The following DENND4B variants were observed in gnomAD, a reference collection of about 807,000 sequenced individuals.
The protein encoded by DENND4B is DENN domain-containing protein 4B.
A neutral mutation model predicts 161.0 loss-of-function variants in DENND4B; 67 were observed. The ratio of observed to expected loss-of-function variants is 0.42; its 90% CI spans 0.34 to 0.51. The LOEUF (loss-of-function observed/expected upper bound fraction) is 0.51. Ranked by LOEUF, DENND4B falls within the 20% of genes least tolerant of loss-of-function variation. The pLI is 0.08. For missense variants in DENND4B, 1,481 were observed against 1,968.0 expected, an observed-to-expected ratio of 0.75 and a Z score of 4.68; for synonymous variants, 753 against 813.8, an observed-to-expected ratio of 0.93 and a Z score of 1.27.
intron 24 of DENND4B, among the ~76,000 whole-genome samples, chr1:153,931,284 A>T (rs1273385520): frequency 6.6e-6 from 1 of 152,206 alleles, no homozygotes; most frequent in Non-Finnish European, 1.5e-5. Context: ...TGCCTGGAAC[A>T]TAAAAAGCAC....
rs757284732 is a variant in DENND4B at position 153,941,977 on chromosome 1, C to T, written c.947G>A (p.Arg316His). 20 of 1,612,268 alleles carry T rather than the reference C, an allele frequency of 1.2e-5. No individual in the cohort carries two copies. Among genetic ancestry groups the T allele is most frequent in the Middle Eastern group, 1.7e-4 (1 of 5,798 alleles). ...CCAGCGGGACAGCACAGCGATGGCA[C>T]GCCGGCTGCGCACAGCTCTGCCCCC... The part of the protein sequence containing the change: ...ALGGRAVRSR[R>H]AIAVLSRWPA... The change falls in exon 6 of 28, where the codon CGT (arginine) becomes CAT (histidine). Residue 316 changes from arginine to histidine, a missense_variant. Arg to His is a conservative substitution (Grantham distance 29). Around this residue, in one of 3 missense-constraint regions of DENND4B, gnomAD observed 806 missense variants for 1,134.4 expected, o/e 0.71. Transcript: ENST00000361217.
In DENND4B at chr1:153,932,811, G is replaced by A. The variant is rs764265099; in HGVS notation, c.3624-34C>T. 6.2e-7 allele frequency: 1 copy of A among 1,613,478 alleles called. No individual in the cohort carries two copies. The highest frequency in any genetic ancestry group is 2.2e-5 in the East Asian group (1 of 44,858). On this transcript the variant is annotated intron_variant, in intron 22 of 27. Transcript: ENST00000361217. The surrounding 1 kb of genome is among the most constrained non-coding windows in gnomAD (Gnocchi z 5.8). ...GGATAGCAGCAGGGGTCAGCTTTTG[G>A]ACCTTCACCTCCCTATTCCCACCCA...
Position 153,932,926 on chromosome 1 carries a change from G to A in DENND4B, c.3558C>T (p.Thr1186=), listed in dbSNP as rs777367578. 3.7e-6 allele frequency: 6 copies of A among 1,613,934 alleles called. No individual in the cohort carries two copies. The African/African-American group carries it at 5.3e-5, about 14-fold the overall frequency. Residue 1186 remains threonine (T), a synonymous_variant, in exon 22 of 28, where the codon ACC becomes ACT. Coordinates refer to ENST00000361217, the MANE Select transcript of DENND4B (RefSeq NM_014856.3). This position sits in a 1 kb window ranked among gnomAD's most constrained non-coding sequence, Gnocchi z 5.8. ...WAPDDSNLNT[T]CPFCACPFVP... Reference sequence around the variant, plus strand: ...CAAAGGGGCAGGCGCAGAAGGGGCAGGTTGTGTTGAGGTTAGAGTCATCAG... The same window carrying A: ...CAAAGGGGCAGGCGCAGAAGGGGCAAGTTGTGTTGAGGTTAGAGTCATCAG...
intron 17 of DENND4B, among the ~76,000 whole-genome samples, chr1:153,935,484 C>T (rs995247678): frequency 6.6e-6 from 1 of 152,312 alleles, no homozygotes; most frequent in South Asian, 2.1e-4. Flanking sequence ...GTAGCTGGGA[C>T]TACAGGCACC....
chr1:153,940,503 G>A lies in DENND4B; in HGVS notation c.1430C>T (p.Ser477Phe). Residue 477 changes from serine (S) to phenylalanine (F), a missense_variant, in exon 10 of 28, where the codon TCC becomes TTC. Ser to Phe is a radical substitution (Grantham distance 155, BLOSUM62 -2). Around this residue, in one of 3 missense-constraint regions of DENND4B, gnomAD observed 806 missense variants for 1,134.4 expected, o/e 0.71. Transcript: ENST00000361217. This position sits in a 1 kb window ranked among gnomAD's most constrained non-coding sequence, Gnocchi z 5.6. ...CGGGTCATGCAGATCAAAGTAGCTG[G>A]AGTGGATACCCACAATGAAGGGCAC... ...APVPFIVGIHSSYFDLHDPPA... is the reference protein window; with the variant it reads ...APVPFIVGIHFSYFDLHDPPA... 1 of 1,613,414 alleles carries A rather than the reference G, an allele frequency of 6.2e-7. No individual in the cohort carries two copies. The highest frequency in any genetic ancestry group is 8.5e-7 in the Non-Finnish European group (1 of 1,179,636).
Position 153,934,427 on chromosome 1 carries a change from G to A in DENND4B, c.2774-125C>T. ...TCCCAGGCAAAACTTTATCCGTTTT[G>A]TGTTTGTTTGTTTGTTTGTTTTGTT... On this transcript the variant is annotated intron_variant, in intron 18 of 27. Transcript: ENST00000361217. This position sits in a 1 kb window ranked among gnomAD's most constrained non-coding sequence, Gnocchi z 5.3. 1 of 1,317,316 alleles carries A rather than the reference G, an allele frequency of 7.6e-7. No individual in the cohort carries two copies. The highest frequency in any genetic ancestry group is 1.0e-6 in the Non-Finnish European group (1 of 969,846). The allele number at this position is 1,317,316 out of a possible 1,614,324, so 81.6% of individuals were successfully genotyped here.
chr1:153,932,243 G>C lies in DENND4B; in HGVS notation c.3957C>G (p.Gly1319=). 6.2e-7 allele frequency: 1 copy of C among 1,613,992 alleles called. No individual in the cohort carries two copies. The highest frequency in any genetic ancestry group is 8.5e-7 in the Non-Finnish European group (1 of 1,179,884). The change falls in exon 24 of 28, where the codon GGC becomes GGG. Residue 1319 remains glycine (G), a synonymous_variant. Transcript: ENST00000361217. This position sits in a 1 kb window ranked among gnomAD's most constrained non-coding sequence, Gnocchi z 5.8. ...GCCCATCACAGGAGGCCAGCACCAG[G>C]CCTGGTAGAATACTGGGCAGGCGTA... ...QRLRLPSILP[G]LVLASCDGPS...
chr1:153,938,953 A>T lies in DENND4B; in HGVS notation c.1912T>A (p.Phe638Ile). The T allele has an allele frequency of 6.2e-7, 1 of 1,609,006 alleles. No homozygotes were observed. Among genetic ancestry groups the T allele is most frequent in the Non-Finnish European group, 8.5e-7 (1 of 1,177,636 alleles). The change falls in exon 13 of 28, where the codon TTT (phenylalanine) becomes ATT (isoleucine). Residue 638 changes from phenylalanine (F) to isoleucine (I), a missense_variant. By Grantham distance (21) the Phe-to-Ile change is conservative. Coordinates refer to ENST00000361217, the MANE Select transcript of DENND4B (RefSeq NM_014856.3). Reference protein sequence around the residue: ...MFSQFIEECSFGSARHAALEF... With the variant: ...MFSQFIEECSIGSARHAALEF... The stretch of plus-strand genomic sequence containing the variant: ...AGGGCAGCATGGCGAGCAGAGCCAA[A>T]AGAGCACTCCTCAATGAACTGTGAG...
In DENND4B at chr1:153,936,098, T is replaced by C. The variant is rs1238822506; in HGVS notation, c.2530A>G (p.Ile844Val). The change falls in exon 17 of 28, where the codon ATT (isoleucine) becomes GTT (valine). Residue 844 changes from isoleucine to valine, a missense_variant. Ile to Val is a conservative substitution (Grantham distance 29). Around this residue, in one of 3 missense-constraint regions of DENND4B, gnomAD observed 806 missense variants for 1,134.4 expected, o/e 0.71. Transcript: ENST00000361217. This position sits in a 1 kb window ranked among gnomAD's most constrained non-coding sequence, Gnocchi z 4.1. ...RVMLEMRQAG[I>V]VPNTITYGYY... ...CCATAGGTGATGGTGTTGGGCACAA[T>C]GCCTGCCTGACGCATCTCCAGCATG... 1 of 1,612,994 alleles carries C rather than the reference T, an allele frequency of 6.2e-7. No individual in the cohort carries two copies. Among genetic ancestry groups the C allele is most frequent in the South Asian group, 1.1e-5 (1 of 90,728 alleles).
In DENND4B at chr1:153,939,534, C is replaced by T. The variant is rs1049296738; in HGVS notation, c.1819+55G>A. The T allele has an allele frequency of 6.4e-5, 98 of 1,542,406 alleles. 1 individual carries two copies. Among genetic ancestry groups the T allele is most frequent in the Non-Finnish European group, 7.9e-6 (9 of 1,138,290 alleles). ...CCTCCGCCTTTCTGACAGAGCCCAG[C>T]CCCTCGCCACCTCCTCCCATGATAC... On this transcript the variant is annotated intron_variant, in intron 12 of 27. Transcript: ENST00000361217.
intron 6 of DENND4B, 94 bp downstream of exon 6, chr1:153,941,775 G>GCCCGCCCCC: frequency 7.5e-7 from 1 of 1,338,174 alleles, no homozygotes. Context: ...CCTGTGCCCA[G>GCCCGCCCCC]CCCTCCCCCC....
Position 153,933,759 on chromosome 1 carries a change from T to C in DENND4B, c.3054A>G (p.Pro1018=), listed in dbSNP as rs761288673. The change falls in exon 20 of 28, where the codon CCA becomes CCG. Residue 1018 remains proline (P), a synonymous_variant. Coordinates refer to ENST00000361217, the MANE Select transcript of DENND4B (RefSeq NM_014856.3). The surrounding 1 kb of genome is among the most constrained non-coding windows in gnomAD (Gnocchi z 5.7). The part of the protein sequence containing the change: ...TGEEPLPGGS[P]GGSGSALSAQ... ...CACTCAGGGCTGAGCCTGAGCCCCC[T>C]GGGCTGCCTCCAGGGAGCGGCTCCT... 6.2e-7 allele frequency: 1 copy of C among 1,606,512 alleles called. No homozygotes were observed. Among genetic ancestry groups the C allele is most frequent in the Admixed American group, 1.7e-5 (1 of 58,740 alleles).
At position 153,933,082 on chromosome 1, in the gene DENND4B, G is replaced by A; in HGVS notation, c.3454-52C>T. 6.2e-7 allele frequency: 1 copy of A among 1,610,686 alleles called. No homozygotes were observed. Among genetic ancestry groups the A allele is most frequent in the Non-Finnish European group, 8.5e-7 (1 of 1,177,692 alleles). On this transcript the variant is annotated intron_variant, in intron 21 of 27. Transcript: ENST00000361217. This position sits in a 1 kb window ranked among gnomAD's most constrained non-coding sequence, Gnocchi z 5.7. ...GGTGCTGTCTGGCCGCCAGCACTCT[G>A]GAGCCCATGCCCCTTCCCCAGCCCC...
At position 153,932,435 on chromosome 1, in the gene DENND4B, G is replaced by A. The variant is rs1395816311; in HGVS notation, c.3765C>T (p.Ala1255=). The change falls in exon 24 of 28, where the codon GCC becomes GCT. Residue 1255 remains alanine, a synonymous_variant. Coordinates refer to ENST00000361217, the MANE Select transcript of DENND4B (RefSeq NM_014856.3). The surrounding 1 kb of genome is among the most constrained non-coding windows in gnomAD (Gnocchi z 5.8). Reference sequence around the variant, plus strand: ...ATGCCCCACTCTCAACCCGCCGGGAGGCTCCCTATCAGGCACAAAGGGGGA... The same window carrying A: ...ATGCCCCACTCTCAACCCGCCGGGAAGCTCCCTATCAGGCACAAAGGGGGA... The part of the protein sequence containing the change: ...PQLCNGHMGG[A]SRRVESGAWA... 5 of 1,607,200 alleles carry A rather than the reference G, an allele frequency of 3.1e-6. No homozygotes were observed. Among genetic ancestry groups the A allele is most frequent in the Non-Finnish European group, 4.2e-6 (5 of 1,176,890 alleles).
Position 153,932,905 on chromosome 1 carries a change from G to C in DENND4B, c.3579C>G (p.Pro1193=). 6.2e-6 allele frequency: 10 copies of C among 1,614,030 alleles called. No individual in the cohort carries two copies. The highest frequency in any genetic ancestry group is 8.5e-6 in the Non-Finnish European group (10 of 1,179,884). Residue 1193 remains proline (P), a synonymous_variant, in exon 22 of 28, where the codon CCC becomes CCG. Coordinates refer to ENST00000361217, the MANE Select transcript of DENND4B (RefSeq NM_014856.3). The surrounding 1 kb of genome is among the most constrained non-coding windows in gnomAD (Gnocchi z 5.8). The part of the protein sequence containing the change: ...LNTTCPFCAC[P]FVPLLSVQTL... ...TCTGGACACTGAGCAGGGGCACAAA[G>C]GGGCAGGCGCAGAAGGGGCAGGTTG...
At position 153,940,988 on chromosome 1, in the gene DENND4B, C is replaced by G; in HGVS notation, c.1242G>C (p.Leu414=). The G allele has an allele frequency of 1.9e-6, 3 of 1,584,746 alleles. No individual in the cohort carries two copies. The highest frequency in any genetic ancestry group is 2.3e-5 in the South Asian group (2 of 87,122). Residue 414 remains leucine (L), a synonymous_variant, in exon 9 of 28, where the codon CTG becomes CTC. Transcript: ENST00000361217. This position sits in a 1 kb window ranked among gnomAD's most constrained non-coding sequence, Gnocchi z 5.6. ...GCTTGTGCTCTGTGAGCACAGCCAGCAGCAGTGTGATAGCCAGCTCAGGGC... is the reference window on the plus strand; with the variant it reads ...GCTTGTGCTCTGTGAGCACAGCCAGGAGCAGTGTGATAGCCAGCTCAGGGC... The part of the protein sequence containing the change: ...SLGPELAITL[L]LAVLTEHKLL...
intron 24 of DENND4B, 119 bp from the exon 25 acceptor site, chr1:153,931,183 T>C (rs1411665323): frequency 2.5e-6 from 2 of 785,196 alleles, no homozygotes; most frequent in Non-Finnish European, 4.1e-6. Flanking sequence ...CAAAGAGAAG[T>C]GGGAAAGGAA....
chr1:153,944,086 G>C lies in DENND4B; in HGVS notation c.289C>G (p.Arg97Gly), dbSNP rs745340562. 6.3e-7 allele frequency: 1 copy of C among 1,587,464 alleles called. No homozygotes were observed. The highest frequency in any genetic ancestry group is 1.7e-5 in the Admixed American group (1 of 57,204). Residue 97 changes from arginine to glycine, a missense_variant, in exon 2 of 28, where the codon CGT (arginine) becomes GGT (glycine). Physicochemically the swap from Arg to Gly is moderately radical, Grantham distance 125 (BLOSUM62 -2). Around this residue, in one of 3 missense-constraint regions of DENND4B, gnomAD observed 806 missense variants for 1,134.4 expected, o/e 0.71. Coordinates refer to ENST00000361217, the MANE Select transcript of DENND4B (RefSeq NM_014856.3). The surrounding 1 kb of genome is among the most constrained non-coding windows in gnomAD (Gnocchi z 4.8). ...TQPVICYRRG[R>G]DKPPLVELGV... ...AGCTCAACGAGGGGGGGCTTGTCAC[G>C]GCCCCTGCGGTAGCAGATGACGGGT...
chr1:153,933,079 T>G lies in DENND4B; in HGVS notation c.3454-49A>C. On this transcript the variant is annotated intron_variant, in intron 21 of 27. Coordinates refer to ENST00000361217, the MANE Select transcript of DENND4B (RefSeq NM_014856.3). This position sits in a 1 kb window ranked among gnomAD's most constrained non-coding sequence, Gnocchi z 5.7. Reference sequence around the variant, plus strand: ...GTAGGTGCTGTCTGGCCGCCAGCACTCTGGAGCCCATGCCCCTTCCCCAGC... The same window carrying G: ...GTAGGTGCTGTCTGGCCGCCAGCACGCTGGAGCCCATGCCCCTTCCCCAGC... 1 of 1,610,428 alleles carries G rather than the reference T, an allele frequency of 6.2e-7. No individual in the cohort carries two copies. Among genetic ancestry groups the G allele is most frequent in the Non-Finnish European group, 8.5e-7 (1 of 1,177,502 alleles).
Sources: allele counts gnomAD v4.1 joint callset (sites outside exome capture counted in the v4.1 genomes callset), GRCh38; gene constraint gnomAD v4.1.1; regional missense constraint gnomAD v4.1.1; non-coding constraint Gnocchi (gnomAD v3.1); transcripts MANE v1.5; gene names NCBI Gene and HGNC (gene_info 2026-07-23, HGNC 2026-07-21).